The following ZCCHC24 variants were observed in gnomAD, a reference collection of about 807,000 sequenced individuals.
ZCCHC24 encodes the protein zinc finger CCHC domain-containing protein 24.
A neutral mutation model predicts 26.2 loss-of-function variants in ZCCHC24; 10 were observed. The ratio of observed to expected loss-of-function variants is 0.38; its 90% CI spans 0.24 to 0.65. ZCCHC24 has a LOEUF of 0.65. ZCCHC24 is among the 30% of genes least tolerant of loss of function. ZCCHC24 has a pLI of 0.54. For missense variants in ZCCHC24, 243 were observed against 329.1 expected (o/e 0.74, Z 2.03); for synonymous variants, 144 against 147.1 (o/e 0.98, Z 0.15).
intron 2 of ZCCHC24, among the ~76,000 whole-genome samples, chr10:79,407,985 G>T (rs1216149160): frequency 6.6e-6 from 1 of 152,196 alleles, no homozygotes; most frequent in African/African-American, 2.4e-5. Flanking sequence ...CCATCACCGG[G>T]AACAATGATC....
chr10:79,411,293 G>A (rs1323235782), intron 2 of ZCCHC24, among the ~76,000 whole-genome samples: 1 of 152,148 alleles, frequency 6.6e-6, no homozygotes, highest in Non-Finnish European at 1.5e-5. Context: ...ACAGTCTAAT[G>A]TGGCCAGGCA....
intron 2 of ZCCHC24, among the ~76,000 whole-genome samples, chr10:79,416,126 C>A (rs1167870085): frequency 1.3e-5 from 2 of 152,200 alleles, no homozygotes; most frequent in Non-Finnish European, 2.9e-5. Flanking sequence ...ATTTTTATTC[C>A]TACAAAGCTC....
At chr10:79,439,533 GA>G (rs909062127) in intron 1 of ZCCHC24, among the ~76,000 whole-genome samples, 4 of 152,170 alleles carry the variant, frequency 2.6e-5, no homozygotes, top group African/African-American at 4.8e-5. Context: ...CTACTAAGTA[GA>G]AAAGACAAGA....
intron 3 of ZCCHC24, among the ~76,000 whole-genome samples, chr10:79,392,508 C>T (rs915256181): frequency 1.3e-5 from 2 of 152,194 alleles, no homozygotes; most frequent in Non-Finnish European, 2.9e-5. Flanking sequence ...GTGAAGCATC[C>T]CCCGTTTTGC....
intron 3 of ZCCHC24, among the ~76,000 whole-genome samples, chr10:79,389,870 C>T (rs993029230): frequency 1.2e-4 from 18 of 152,072 alleles, no homozygotes; most frequent in African/African-American, 4.1e-4. Flanking sequence ...CCCACTTTGG[C>T]CTCCCAAAGT....
intron 2 of ZCCHC24, among the ~76,000 whole-genome samples, chr10:79,428,467 G>GATAA (rs1554842181): frequency 5.2e-5 from 3 of 57,880 alleles, no homozygotes; most frequent in South Asian, 3.5e-4. Context: ...AGTTTTGCAA[G>GATAA]ATAAATTTCA....
chr10:79,406,156 C>T (rs923977666), intron 2 of ZCCHC24, among the ~76,000 whole-genome samples: 1 of 152,194 alleles, frequency 6.6e-6, no homozygotes, highest in Non-Finnish European at 1.5e-5. Flanking sequence ...TCATTGTGAT[C>T]CCATTTCCAG....
chr10:79,406,309 T>C (rs536612625), intron 2 of ZCCHC24, among the ~76,000 whole-genome samples: 134 of 152,280 alleles, frequency 8.8e-4, no homozygotes, highest in African/African-American at 3.1e-3. Flanking sequence ...CAGAAGGCCA[T>C]GGACAGGTAC....
In ZCCHC24 at chr10:79,395,913, T is replaced by C. The variant is rs116634705; in HGVS notation, c.448-1473A>G. On this transcript the variant is annotated intron_variant, in intron 2 of 3. Transcript: ENST00000372336. Reference sequence around the variant, plus strand: ...ATTGGTTTTAAGTAAATTCACAGAGTATACAGTCATCACCACAATCTAATT... The same window carrying C: ...ATTGGTTTTAAGTAAATTCACAGAGCATACAGTCATCACCACAATCTAATT... Among the ~76,000 whole-genome samples, 216 of 152,296 alleles carry C rather than the reference T, an allele frequency of 1.4e-3. 1 individual carries two copies. The highest frequency in any genetic ancestry group is 5.0e-3 in the African/African-American group (208 of 41,560).
chr10:79,417,038 A>G (rs1257053244), intron 2 of ZCCHC24, among the ~76,000 whole-genome samples: 1 of 152,218 alleles, frequency 6.6e-6, no homozygotes. Context: ...CTTGCTGAGC[A>G]CTCACTATGT....
chr10:79,383,608 TCAAA>T lies in ZCCHC24; in HGVS notation c.*2733_*2736del, dbSNP rs1856351580. The T allele has an allele frequency of 6.6e-6, 1 of 150,728 alleles. No individual in the cohort carries two copies. The highest frequency in any genetic ancestry group is 2.4e-5 in the African/African-American group (1 of 40,968). The allele number at this position is 150,728 out of a possible 1,614,324, so 9.3% of individuals were successfully genotyped here. A position where few individuals can be genotyped will look rare whatever the true frequency, so the allele number is the denominator to read the frequency against. The stretch of plus-strand genomic sequence containing the variant: ...TTTTTGTTTGTTTTAATCTCAAAAA[TCAAA>T]CAATTATATTTTTCTTTTCTTTTTT... On this transcript the variant is annotated 3_prime_UTR_variant, in exon 4 of 4. Transcript: ENST00000372336.
At chr10:79,398,119 C>G (rs932038117) in intron 2 of ZCCHC24, among the ~76,000 whole-genome samples, 1 of 152,188 alleles carries the variant, frequency 6.6e-6, no homozygotes, top group East Asian at 1.9e-4. Context: ...CAGGACCAGA[C>G]GTCCTCAGCG....
Position 79,407,662 on chromosome 10 carries a change from A to G in ZCCHC24, c.448-13222T>C, listed in dbSNP as rs2132191367. On this transcript the variant is annotated intron_variant, in intron 2 of 3. Transcript: ENST00000372336. ...AGTCCAGTCAGATACTGTCACCTCC[A>G]TGCTGTCCCCATCTGCCCATTCTAC... 1.3e-5 allele frequency among the ~76,000 whole-genome samples: 2 copies of G among 152,238 alleles called. 1 individual carries two copies. Among genetic ancestry groups the G allele is most frequent in the South Asian group, 4.1e-4 (2 of 4,820 alleles).
rs1857356142 is a variant in ZCCHC24 at position 79,445,564 on chromosome 10, C to CGCGCCCT, written c.-131_-125dup. 1 of 859,462 alleles carries CGCGCCCT rather than the reference C, an allele frequency of 1.2e-6. No individual in the cohort carries two copies. Among genetic ancestry groups the CGCGCCCT allele is most frequent in the Non-Finnish European group, 1.5e-6 (1 of 687,264 alleles). 53.2% of individuals were successfully genotyped at this position (859,462 alleles called of 1,614,324 possible). The stretch of plus-strand genomic sequence containing the variant: ...TCCCGAGCCCCGACGGTGATCGCCC[C>CGCGCCCT]GCGCCCTGCGCCCCGCGCGCTGCCC... On this transcript the variant is annotated 5_prime_UTR_variant, in exon 1 of 4. Transcript: ENST00000372336.
intron 3 of ZCCHC24, among the ~76,000 whole-genome samples, chr10:79,393,118 T>C (rs1407514470): frequency 1.3e-5 from 2 of 152,204 alleles, no homozygotes; most frequent in Admixed American, 1.3e-4. Context: ...GAATCCCTTC[T>C]CTACTCTGTC....
intron 2 of ZCCHC24, among the ~76,000 whole-genome samples, chr10:79,408,414 T>A (rs2132192104): frequency 1.3e-5 from 2 of 152,270 alleles, no homozygotes; most frequent in South Asian, 4.1e-4. Flanking sequence ...TCCCGCTTGT[T>A]GTCTGCAGGC....
At chr10:79,407,340 C>T (rs1856731284) in intron 2 of ZCCHC24, among the ~76,000 whole-genome samples, 1 of 152,270 alleles carries the variant, frequency 6.6e-6, no homozygotes, top group Admixed American at 6.5e-5. Flanking sequence ...CCACATTCCC[C>T]AGCAGGAAGT....
At chr10:79,421,181 G>A (rs150272711) in intron 2 of ZCCHC24, among the ~76,000 whole-genome samples, 1 of 152,228 alleles carries the variant, frequency 6.6e-6, no homozygotes, top group Non-Finnish European at 1.5e-5. Context: ...CCTGCCAAAC[G>A]GCAGGCACGA....
chr10:79,423,162 C>T (rs1856970436), intron 2 of ZCCHC24, among the ~76,000 whole-genome samples: 1 of 152,168 alleles, frequency 6.6e-6, no homozygotes, highest in Non-Finnish European at 1.5e-5. Context: ...CAATCGAAAG[C>T]TGCCCCAGAC....
Sources: allele counts gnomAD v4.1 joint callset (sites outside exome capture counted in the v4.1 genomes callset), GRCh38; gene constraint gnomAD v4.1.1; transcripts MANE v1.5; gene names NCBI Gene and HGNC (gene_info 2026-07-23, HGNC 2026-07-21).